Variants in SPG11 observed in about 807,000 individuals in gnomAD.
The protein encoded by SPG11 is spatacsin.
In SPG11, 222 loss-of-function variants were observed where a neutral mutation model predicts 274.0. The observed-to-expected ratio is 0.81, with a 90% CI of 0.73 to 0.91. The LOEUF (loss-of-function observed/expected upper bound fraction) is 0.91. Ranked by LOEUF, SPG11 falls within the 40% of genes least tolerant of loss-of-function variation. The pLI, the probability that SPG11 is intolerant of heterozygous loss-of-function variation, is 0.00. For missense variants in SPG11, 3,114 were observed against 2,872.7 expected (o/e 1.08, Z -1.92); for synonymous variants, 1,144 against 1,039.7 (o/e 1.10, Z -1.93).
intron 27 of SPG11, 39 bp from the exon 28 acceptor site, chr15:44,589,453 A>C (rs1567143128): frequency 1.2e-6 from 2 of 1,613,150 alleles, no homozygotes; most frequent in Non-Finnish European, 1.7e-6. Context: ...AAGCAGTTTC[A>C]TGAGAATAGC....
chr15:44,646,750 C>G (rs1019073332), intron 7 of SPG11, among the ~76,000 whole-genome samples: 4 of 152,108 alleles, frequency 2.6e-5, no homozygotes, highest in African/African-American at 9.7e-5. Context: ...ACTGGGTGTT[C>G]TCACTTATAA....
At chr15:44,621,668 C>T in intron 14 of SPG11, 91 bp downstream of exon 14, 1 of 1,276,758 alleles carries the variant, frequency 7.8e-7, no homozygotes, top group Non-Finnish European at 1.1e-6. Flanking sequence ...GAAAGGAATT[C>T]TAAAATTGAG....
intron 16 of SPG11, among the ~76,000 whole-genome samples, chr15:44,614,873 C>T (rs993062711): frequency 2.0e-5 from 3 of 152,134 alleles, no homozygotes; most frequent in Non-Finnish European, 4.4e-5. Context: ...TATGATTCTG[C>T]GGGTTAATCT....
intron 15 of SPG11, among the ~76,000 whole-genome samples, chr15:44,615,841 T>C (rs2083580311): frequency 6.6e-6 from 1 of 152,208 alleles, no homozygotes; most frequent in Admixed American, 6.5e-5. Flanking sequence ...TGGTTTTTGA[T>C]GGGAGCCATT....
chr15:44,569,287 C>T (rs1181209703), intron 35 of SPG11, 111 bp downstream of exon 35: 4 of 815,406 alleles, frequency 4.9e-6, no homozygotes, highest in Non-Finnish European at 8.3e-6. Flanking sequence ...CTAATTCCTT[C>T]CCTCCATTTT....
chr15:44,633,731 T>C, intron 7 of SPG11, 94 bp from the exon 8 acceptor site: 3 of 1,359,418 alleles, frequency 2.2e-6, no homozygotes, highest in Middle Eastern at 4.7e-4. Flanking sequence ...GAATTTAATG[T>C]GGTGAGACTA....
chr15:44,593,696 GT>G (rs2082958848), intron 26 of SPG11, among the ~76,000 whole-genome samples: 1 of 151,004 alleles, frequency 6.6e-6, no homozygotes, highest in African/African-American at 2.4e-5. Flanking sequence ...AGTTACTTAA[GT>G]TTTGTGAGCC....
chr15:44,608,282 T>G (rs896043231), intron 19 of SPG11, among the ~76,000 whole-genome samples, 162 bp downstream of exon 19: 4 of 152,164 alleles, frequency 2.6e-5, no homozygotes, highest in African/African-American at 9.7e-5. Flanking sequence ...ATTTTGTTAT[T>G]TTTGGGTTGT....
intron 27 of SPG11, chr15:44,590,762 C>A (rs7179390): frequency 6.6e-6 from 1 of 152,042 alleles, no homozygotes; most frequent in African/African-American, 2.4e-5. Context: ...TTTCAAAACA[C>A]GTATATGTTA....
Position 44,563,130 on chromosome 15 carries a change from T to C in SPG11, c.7323A>G (p.Leu2441=), listed in dbSNP as rs2082227282. 2 of 1,614,012 alleles carry C rather than the reference T, an allele frequency of 1.2e-6. No individual in the cohort carries two copies. The highest frequency in any genetic ancestry group is 1.1e-5 in the South Asian group (1 of 91,086). ...ACACCTATGAAATCATCTAACCTGC[T>C]AGCATGTCCTTTAGACAGCAACCTG... ...PQTGCCLKDM[L]AG Residue 2441 remains leucine (L), a synonymous_variant, in exon 40 of 40, where the codon CTA becomes CTG. Coordinates refer to ENST00000261866, the MANE Select transcript of SPG11 (RefSeq NM_025137.4).
intron 21 of SPG11, 26 bp from the exon 22 acceptor site, chr15:44,598,862 C>T: frequency 6.2e-7 from 1 of 1,603,516 alleles, no homozygotes; most frequent in Non-Finnish European, 8.5e-7. Context: ...ATCAAAATCA[C>T]ATCAGCACAT....
rs1333681844 is a variant in SPG11, at chr15:44,633,540, T to TA, written c.1699_1700insT (p.Gln567LeufsTer3). On this transcript the variant is annotated frameshift_variant, in exon 8 of 40. Transcript: ENST00000261866. LOFTEE classifies it high-confidence loss of function. ...TAAATGGGATGACAAGTGATCAAAC[T>TA]GATCAGATACAGAAGATTTTGAGGA... The TA allele has an allele frequency of 1.9e-6, 3 of 1,608,804 alleles. No homozygotes were observed. In the Admixed American group the frequency reaches 5.0e-5, roughly 27 times the overall value.
intron 16 of SPG11, among the ~76,000 whole-genome samples, chr15:44,614,235 G>GTT (rs544458517): frequency 6.6e-6 from 1 of 151,710 alleles, no homozygotes; most frequent in Admixed American, 6.6e-5. Flanking sequence ...CTCCTAGTCT[G>GTT]TTTTTTTTGA....
chr15:44,661,465 G>T (rs1052071317), intron 1 of SPG11, among the ~76,000 whole-genome samples: 2 of 152,106 alleles, frequency 1.3e-5, no homozygotes, highest in East Asian at 1.9e-4. Flanking sequence ...TATACTTCTA[G>T]AGTAGTATAT....
rs995767522 is a variant in SPG11 at position 44,598,580 on chromosome 15, A to G, written c.3892+51T>C. The G allele has an allele frequency of 1.7e-5, 26 of 1,545,844 alleles. 1 individual carries two copies. In the Admixed American group the frequency reaches 3.7e-4, roughly 22 times the overall value. ...AAACACTCACAATTCAATGCCTTAG[A>G]CCTCGTCACACCTTCTCTAAACAAA... On this transcript the variant is annotated intron_variant, in intron 22 of 39. Coordinates refer to ENST00000261866, the MANE Select transcript of SPG11 (RefSeq NM_025137.4).
At chr15:44,605,423 A>G (rs920775338) in intron 20 of SPG11, among the ~76,000 whole-genome samples, 5 of 152,210 alleles carry the variant, frequency 3.3e-5, no homozygotes, top group African/African-American at 9.6e-5. Flanking sequence ...TGCAAAGCCT[A>G]ATTTAGGGTA....
intron 7 of SPG11, among the ~76,000 whole-genome samples, chr15:44,640,426 C>T (rs190783213): frequency 7.9e-5 from 12 of 152,164 alleles, no homozygotes; most frequent in East Asian, 5.8e-4. Context: ...ATCCTAAAGA[C>T]GCCATTTCTT....
intron 2 of SPG11, 53 bp downstream of exon 2, chr15:44,660,379 C>G (rs891843793): frequency 6.6e-7 from 1 of 1,525,840 alleles, no homozygotes; most frequent in African/African-American, 1.4e-5. Context: ...TATGTAACTA[C>G]ATGGTAATGT....
At chr15:44,618,296 CAGG>C (rs1361011185) in intron 15 of SPG11, among the ~76,000 whole-genome samples, 1 of 150,672 alleles carries the variant, frequency 6.6e-6, no homozygotes, top group Non-Finnish European at 1.5e-5. Context: ...ATCACGAGGT[CAGG>C]AGATTGAGAC....
Sources: gnomAD v4.1 joint callset for allele counts (sites outside exome capture counted in the v4.1 genomes callset) on GRCh38, gnomAD v4.1.1 for gene constraint, MANE v1.5 for transcripts, NCBI Gene and HGNC (gene_info 2026-07-23, HGNC 2026-07-21) for gene names.